SDK1: variants seen among roughly 807,000 people sequenced by gnomAD.
SDK1 encodes the protein protein sidekick-1.
Under a neutral mutation model 245.5 loss-of-function variants are expected in SDK1, and 157 were observed. The ratio of observed to expected loss-of-function variants is 0.64; its 90% CI spans 0.56 to 0.73. The LOEUF is 0.73. SDK1 is among the 30% of genes least tolerant of loss of function. SDK1 has a pLI of 0.00. For missense variants in SDK1, 3,583 were observed against 3,002.3 expected (o/e 1.19, Z -4.52); for synonymous variants, 1,647 against 1,278.5 (o/e 1.29, Z -6.15).
At chr7:4,143,569 G>A (rs958348016) in intron 28 of SDK1, among the ~76,000 whole-genome samples, 2 of 152,188 alleles carry the variant, frequency 1.3e-5, no homozygotes, top group Admixed American at 1.3e-4. Context: ...TTGGCAGAGC[G>A]GGATTCCAGC....
At chr7:4,252,370 C>G (rs531999455) in intron 44 of SDK1, among the ~76,000 whole-genome samples, 1 of 152,172 alleles carries the variant, frequency 6.6e-6, no homozygotes, top group South Asian at 2.1e-4. Flanking sequence ...ATCCATGACC[C>G]TACAAAGGAC....
rs2128227756 is a variant in SDK1 at position 4,208,300 on chromosome 7, G to C, written c.5401+15G>C. The stretch of plus-strand genomic sequence containing the variant: ...CCACCAGGCCGGTAGGAGGAAGGCG[G>C]GTTTCCTTTGGGCAGGCCTCCTTGG... On this transcript the variant is annotated intron_variant, in intron 37 of 44. Transcript: ENST00000404826. The C allele has an allele frequency of 6.2e-7, 1 of 1,609,734 alleles. No individual in the cohort carries two copies. Among genetic ancestry groups the C allele is most frequent in the African/African-American group, 1.3e-5 (1 of 74,900 alleles).
chr7:3,565,329 A>C (rs1265698313), intron 1 of SDK1, among the ~76,000 whole-genome samples: 1 of 152,178 alleles, frequency 6.6e-6, no homozygotes, highest in Non-Finnish European at 1.5e-5. Flanking sequence ...TGTCAGACCT[A>C]TTCAACAGAG....
intron 5 of SDK1, among the ~76,000 whole-genome samples, chr7:3,853,329 G>C (rs1780464185): frequency 1.3e-5 from 2 of 152,128 alleles, no homozygotes. Flanking sequence ...TTAAGTACCA[G>C]CTGCTGGCAA....
At chr7:3,869,301 G>A (rs772383822) in intron 5 of SDK1, among the ~76,000 whole-genome samples, 3 of 151,926 alleles carry the variant, frequency 2.0e-5, no homozygotes, top group African/African-American at 7.2e-5. Flanking sequence ...GATTACAGGC[G>A]TCCATCACCA....
intron 4 of SDK1, among the ~76,000 whole-genome samples, chr7:3,796,793 AT>A (rs1778971824): frequency 6.6e-6 from 1 of 152,082 alleles, no homozygotes; most frequent in African/African-American, 2.4e-5. Flanking sequence ...TGCTGTACAC[AT>A]TTTTGCCCAT....
intron 1 of SDK1, among the ~76,000 whole-genome samples, chr7:3,536,357 C>T (rs1455726429): frequency 1.3e-5 from 2 of 152,096 alleles, no homozygotes; most frequent in African/African-American, 4.8e-5. Context: ...TGAACTGCTG[C>T]ACCCGGCCAC....
chr7:3,308,853 A>G (rs1473791592), intron 1 of SDK1, among the ~76,000 whole-genome samples: 1 of 152,030 alleles, frequency 6.6e-6, no homozygotes, highest in African/African-American at 2.4e-5. Flanking sequence ...TGTAAGCTTA[A>G]TTTTACAACG....
chr7:3,947,628 A>C (rs114277807), intron 5 of SDK1, among the ~76,000 whole-genome samples: 2 of 151,512 alleles, frequency 1.3e-5, no homozygotes, highest in Non-Finnish European at 2.9e-5. Context: ...ATATATATCT[A>C]TATGTGTATC....
chr7:3,995,302 G>T (rs1357772030), intron 14 of SDK1, among the ~76,000 whole-genome samples: 3 of 152,108 alleles, frequency 2.0e-5, no homozygotes, highest in African/African-American at 4.8e-5. Context: ...CTCTTACTCA[G>T]CATCTCCTTT....
intron 34 of SDK1, among the ~76,000 whole-genome samples, chr7:4,177,303 G>A (rs1367856070): frequency 2.0e-5 from 3 of 152,226 alleles, no homozygotes; most frequent in Non-Finnish European, 2.9e-5. Flanking sequence ...ACACACATGG[G>A]ACCTCGGAAA....
In SDK1 at chr7:3,568,123, C is replaced by G. The variant is rs137988283; in HGVS notation, c.299-50957C>G. The stretch of plus-strand genomic sequence containing the variant: ...GGCATGAACCACTGTGTCCAACCTC[C>G]GTGGTTCTTTGAACAATGATCATTA... On this transcript the variant is annotated intron_variant, in intron 1 of 44. Coordinates refer to ENST00000404826, the MANE Select transcript of SDK1 (RefSeq NM_152744.4). Among the ~76,000 whole-genome samples, 309 of 152,272 alleles carry G rather than the reference C, an allele frequency of 2.0e-3. 4 individuals are homozygous for G. Among genetic ancestry groups the G allele is most frequent in the African/African-American group, 7.1e-3 (297 of 41,552 alleles).
intron 1 of SDK1, among the ~76,000 whole-genome samples, chr7:3,565,102 ATTAC>A (rs976574859): frequency 2.0e-5 from 3 of 150,790 alleles, no homozygotes; most frequent in Non-Finnish European, 3.0e-5. Flanking sequence ...TGTCACTTTT[ATTAC>A]TTTTTTTTTT....
chr7:4,014,392 C>A (rs1036912733), intron 16 of SDK1, among the ~76,000 whole-genome samples: 2 of 152,098 alleles, frequency 1.3e-5, no homozygotes, highest in Non-Finnish European at 2.9e-5. Flanking sequence ...CCAGAAAGCT[C>A]CAAGATGAGG....
At chr7:3,978,084 G>C (rs1783110398) in intron 13 of SDK1, among the ~76,000 whole-genome samples, 1 of 152,018 alleles carries the variant, frequency 6.6e-6, no homozygotes, top group South Asian at 2.1e-4. Flanking sequence ...GTCTCAGACA[G>C]AGGATTTTTT....
At chr7:4,197,990 G>A (rs13234333) in intron 35 of SDK1, among the ~76,000 whole-genome samples, 6,064 of 152,306 alleles carry the variant, frequency 0.04, 185 homozygotes, top group Non-Finnish European at 0.06. Flanking sequence ...CAGCTCATCC[G>A]TGGGACCAGG....
chr7:3,939,088 T>G (rs1780264719), intron 5 of SDK1, among the ~76,000 whole-genome samples: 1 of 152,230 alleles, frequency 6.6e-6, no homozygotes, highest in African/African-American at 2.4e-5. Flanking sequence ...ACGACCGTAT[T>G]TCCTCTCTTT....
intron 1 of SDK1, among the ~76,000 whole-genome samples, chr7:3,485,683 G>GTTTTTTGT (rs1781666150): frequency 7.9e-5 from 3 of 38,178 alleles, no homozygotes; most frequent in African/African-American, 3.2e-4. Context: ...TCTTTGGAGG[G>GTTTTTTGT]TTTTTTTTTT....
At chr7:3,563,156 A>T (rs955141612) in intron 1 of SDK1, among the ~76,000 whole-genome samples, 3 of 152,220 alleles carry the variant, frequency 2.0e-5, no homozygotes, top group African/African-American at 7.2e-5. Context: ...AAACCAGCAG[A>T]AGAAAATTGG....
Sources: gnomAD v4.1 joint callset for allele counts (sites outside exome capture counted in the v4.1 genomes callset) on GRCh38, gnomAD v4.1.1 for gene constraint, MANE v1.5 for transcripts, NCBI Gene and HGNC (gene_info 2026-07-23, HGNC 2026-07-21) for gene names.